THSD4: variants seen among roughly 807,000 people sequenced by gnomAD.
The protein encoded by THSD4 is thrombospondin type 1 domain containing 4, also known as thrombospondin type-1 domain-containing protein 4.
A neutral mutation model predicts 119.0 loss-of-function variants in THSD4; 69 were observed. The observed-to-expected ratio is 0.58, with a 90% CI of 0.48 to 0.71. The LOEUF (loss-of-function observed/expected upper bound fraction) is 0.71. THSD4 is among the 30% of genes least tolerant of loss of function. The pLI, the probability that THSD4 is intolerant of heterozygous loss-of-function variation, is 0.00. For synonymous variants in THSD4, 524 were observed against 540.4 expected (o/e 0.97, Z 0.42); for missense variants, 1,393 against 1,391.1 (o/e 1.00, Z -0.02).
intron 7 of THSD4, among the ~76,000 whole-genome samples, chr15:71,650,315 A>G (rs2051058750): frequency 6.6e-6 from 1 of 152,190 alleles, no homozygotes; most frequent in Non-Finnish European, 1.5e-5. Flanking sequence ...CCCACAATGT[A>G]GAGCAGCACC....
intron 7 of THSD4, among the ~76,000 whole-genome samples, chr15:71,640,313 T>C (rs2050832702): frequency 6.6e-6 from 1 of 151,840 alleles, no homozygotes; most frequent in Admixed American, 6.6e-5. Context: ...ACCTCTGGGC[T>C]CAAGCGATCC....
At chr15:71,243,219 A>G in intron 5 of THSD4, 123 bp downstream of exon 5, 1 of 961,908 alleles carries the variant, frequency 1.0e-6, no homozygotes, top group Non-Finnish European at 1.5e-6. Context: ...ACACCTTTTA[A>G]TCTTCCTCCT....
chr15:71,183,512 C>T (rs373821547), intron 3 of THSD4, among the ~76,000 whole-genome samples: 2 of 151,536 alleles, frequency 1.3e-5, no homozygotes, highest in East Asian at 1.9e-4. Flanking sequence ...GTACCTATCA[C>T]GTAGGTTGTC....
chr15:71,521,685 AT>A (rs2048443333), intron 7 of THSD4, among the ~76,000 whole-genome samples: 1 of 152,132 alleles, frequency 6.6e-6, no homozygotes, highest in South Asian at 2.1e-4. Context: ...AAAAGAATTC[AT>A]TAACCTGTAG....
At chr15:71,759,506 C>T (rs973071162) in intron 15 of THSD4, among the ~76,000 whole-genome samples, 4 of 152,180 alleles carry the variant, frequency 2.6e-5, no homozygotes, top group Non-Finnish European at 4.4e-5. Flanking sequence ...ATGGGAAACA[C>T]TTAATAAATA....
At chr15:71,764,824 T>C (rs2053687062) in intron 15 of THSD4, among the ~76,000 whole-genome samples, 196 bp from the exon 16 acceptor site, 1 of 152,240 alleles carries the variant, frequency 6.6e-6, no homozygotes, top group African/African-American at 2.4e-5. Context: ...TAGTCTGCAT[T>C]TGGAGACAGA....
chr15:71,565,176 T>C (rs1224070869), intron 7 of THSD4, among the ~76,000 whole-genome samples: 1 of 152,234 alleles, frequency 6.6e-6, no homozygotes, highest in Non-Finnish European at 1.5e-5. Flanking sequence ...TGCTCATCCC[T>C]GACCCAGTGG....
chr15:71,384,702 T>A (rs1329099552), intron 6 of THSD4, among the ~76,000 whole-genome samples: 1 of 152,230 alleles, frequency 6.6e-6, no homozygotes, highest in Non-Finnish European at 1.5e-5. Flanking sequence ...AGCCCACATT[T>A]TAAAATGCAC....
At chr15:71,770,592 T>C (rs893940636) in intron 16 of THSD4, among the ~76,000 whole-genome samples, 3 of 151,704 alleles carry the variant, frequency 2.0e-5, no homozygotes, top group South Asian at 4.2e-4. Flanking sequence ...GAGGTGGAGG[T>C]TGCAGCAAGC....
At chr15:71,294,887 A>C (rs1416686892) in intron 6 of THSD4, among the ~76,000 whole-genome samples, 1 of 151,420 alleles carries the variant, frequency 6.6e-6, no homozygotes, top group African/African-American at 2.4e-5. Context: ...TATTTTAAAA[A>C]TACTTATTGT....
At chr15:71,326,415 G>A (rs539869632) in intron 6 of THSD4, among the ~76,000 whole-genome samples, 3 of 151,660 alleles carry the variant, frequency 2.0e-5, no homozygotes, top group Admixed American at 1.3e-4. Context: ...GGTGGCTCAT[G>A]CCTGTAATCC....
intron 1 of THSD4, among the ~76,000 whole-genome samples, chr15:71,129,313 T>C (rs771884173): frequency 2.0e-5 from 3 of 152,030 alleles, no homozygotes; most frequent in Admixed American, 6.5e-5. Flanking sequence ...AGTGTAAGAG[T>C]ATTTCTCCAG....
rs33948399 is a variant in THSD4, at chr15:71,482,295, C to CTTTTTT, written c.1152+70480_1152+70485dup. On this transcript the variant is annotated intron_variant, in intron 7 of 17. Transcript: ENST00000261862. The stretch of plus-strand genomic sequence containing the variant: ...AAAGATGGAAAGGACTGTACTGTAA[C>CTTTTTT]TTTTTTTTTTTTTGAGACGGAGTCT... 2.8e-5 allele frequency among the ~76,000 whole-genome samples: 4 copies of CTTTTTT among 143,594 alleles called. 1 individual carries two copies. 94.2% of individuals were successfully genotyped at this position (143,594 alleles called of 152,430 possible).
At chr15:71,532,730 T>C (rs2048633591) in intron 7 of THSD4, among the ~76,000 whole-genome samples, 1 of 152,226 alleles carries the variant, frequency 6.6e-6, no homozygotes. Flanking sequence ...TCTTAAAACA[T>C]GCAAAGCCAT....
chr15:71,172,700 T>TATATATATATATATATATATATGTGAC (rs1567145339), intron 3 of THSD4, among the ~76,000 whole-genome samples: 23 of 98,738 alleles, frequency 2.3e-4, no homozygotes, highest in African/African-American at 1.0e-3. Flanking sequence ...TATATATATA[T>TATATATATATATATATATATATGTGAC]ATATATATAT....
At chr15:71,220,627 G>C (rs900322064) in intron 4 of THSD4, among the ~76,000 whole-genome samples, 2 of 152,192 alleles carry the variant, frequency 1.3e-5, no homozygotes, top group African/African-American at 4.8e-5. Context: ...GATGCTCAAA[G>C]TGAACGCTGT....
At chr15:71,497,013 C>T (rs1415260050) in intron 7 of THSD4, among the ~76,000 whole-genome samples, 1 of 152,172 alleles carries the variant, frequency 6.6e-6, no homozygotes, top group Non-Finnish European at 1.5e-5. Flanking sequence ...ATGCTGCAGA[C>T]CTCACCATCC....
chr15:71,321,448 A>T (rs1429046152), intron 6 of THSD4, among the ~76,000 whole-genome samples: 1 of 152,176 alleles, frequency 6.6e-6, no homozygotes, highest in African/African-American at 2.4e-5. Context: ...AGGCAGGAGA[A>T]TCGCTTGAAC....
intron 7 of THSD4, among the ~76,000 whole-genome samples, chr15:71,648,795 G>T (rs1158654642): frequency 1.3e-5 from 2 of 152,168 alleles, no homozygotes; most frequent in Non-Finnish European, 2.9e-5. Flanking sequence ...ACTGCCAAGG[G>T]ACGCGTCTCG....
Sources: allele counts gnomAD v4.1 joint callset (sites outside exome capture counted in the v4.1 genomes callset), GRCh38; gene constraint gnomAD v4.1.1; transcripts MANE v1.5; gene names NCBI Gene and HGNC (gene_info 2026-07-23, HGNC 2026-07-21).